Variants in DNMT3A observed in about 807,000 individuals in gnomAD.
DNMT3A encodes DNA methyltransferase 3 alpha.
A neutral mutation model predicts 117.6 loss-of-function variants in DNMT3A; 267 were observed. That is an observed-to-expected ratio of 2.27 (90% CI 2.05 to 2.51). The LOEUF is 2.51. Ranked by LOEUF, DNMT3A falls within the 30% of genes most tolerant of loss-of-function variation. The probability of loss-of-function intolerance (pLI) is 0.00; values close to 1 mark genes in which losing one functional copy is unlikely to be tolerated. For missense variants in DNMT3A, 1,029 were observed against 1,260.2 expected (o/e 0.82, Z 2.78); for synonymous variants, 432 against 474.8 (o/e 0.91, Z 1.17).
In DNMT3A at chr2:25,230,087, T is replaced by G. The variant is rs1672808831; in HGVS notation, c.*4192A>C. On this transcript the variant is annotated 3_prime_UTR_variant, in exon 23 of 23. Transcript: ENST00000321117. ...CCAGTCAATCACACCCAGGCCTGTT[T>G]CAAAAGCTAACAGGTCCCGGGTGCT... 6.6e-6 allele frequency: 1 copy of G among 152,220 alleles called. No individual in the cohort carries two copies. Among genetic ancestry groups the G allele is most frequent in the South Asian group, 2.1e-4 (1 of 4,836 alleles). 9.4% of individuals were successfully genotyped at this position (152,220 alleles called of 1,614,324 possible).
chr2:25,300,772 T>TATATATAA (rs1558723169), intron 2 of DNMT3A, among the ~76,000 whole-genome samples: 1 of 70,342 alleles, frequency 1.4e-5, no homozygotes, highest in African/African-American at 5.6e-5. Context: ...TATATATAAA[T>TATATATAA]AATACATCCT....
rs759408234 is a variant in DNMT3A at position 25,241,660 on chromosome 2, C to T, written c.1984G>A (p.Ala662Thr). ...ATGGAGTCCTCACACACCTCCGAGG[C>T]AATGTAGCGGTCCACCTGAATGCCC... ...DLGIQVDRYI[A>T]SEVCEDSITV... Residue 662 changes from alanine to threonine, a missense_variant, in exon 17 of 23, where the codon GCC becomes ACC. Ala to Thr is a moderately conservative substitution (Grantham distance 58). Transcript: ENST00000321117. 1.2e-6 allele frequency: 2 copies of T among 1,614,156 alleles called. No individual in the cohort carries two copies. The highest frequency in any genetic ancestry group is 1.7e-6 in the Non-Finnish European group (2 of 1,180,012).
chr2:25,244,494 C>T lies in DNMT3A; in HGVS notation c.1667+46G>A, dbSNP rs756076590. 1.7e-5 allele frequency: 28 copies of T among 1,606,350 alleles called. No homozygotes were observed. The Admixed American group carries it at 4.7e-4, about 27-fold the overall frequency. On this transcript the variant is annotated intron_variant, in intron 14 of 22. Coordinates refer to ENST00000321117, the MANE Select transcript of DNMT3A (RefSeq NM_022552.5). Reference sequence around the variant, plus strand: ...GAGGGGAGGCGGTGGGCGGCGGGAGCCTGGGGCCCAGCTAAGGAGACCACT... The same window carrying T: ...GAGGGGAGGCGGTGGGCGGCGGGAGTCTGGGGCCCAGCTAAGGAGACCACT...
At position 25,241,694 on chromosome 2, in the gene DNMT3A, C is replaced by CA; in HGVS notation, c.1949dup (p.Lys651GlufsTer17). The CA allele has an allele frequency of 6.2e-7, 1 of 1,613,932 alleles. No individual in the cohort carries two copies. The highest frequency in any genetic ancestry group is 8.5e-7 in the Non-Finnish European group (1 of 1,179,936). ...GGTCCACCTGAATGCCCAAGTCCTT[C>CA]AGCACCAGGAGCCCTGCACCAGCCA... On this transcript the variant is annotated frameshift_variant, in exon 17 of 23. Transcript: ENST00000321117. LOFTEE classifies it high-confidence loss of function.
intron 6 of DNMT3A, among the ~76,000 whole-genome samples, chr2:25,253,993 A>G (rs898509499): frequency 6.6e-6 from 1 of 151,806 alleles, no homozygotes; most frequent in African/African-American, 2.4e-5. Flanking sequence ...AATCGCTTCA[A>G]CTTAGGAGGC....
rs1165028097 is a variant in DNMT3A at position 25,294,790 on chromosome 2, C to A, written c.177+5349G>T. On this transcript the variant is annotated intron_variant, in intron 3 of 22. Coordinates refer to ENST00000321117, the MANE Select transcript of DNMT3A (RefSeq NM_022552.5). This position sits in a 1 kb window ranked among gnomAD's most constrained non-coding sequence, Gnocchi z 4.7. Reference sequence around the variant, plus strand: ...ATCTGCTCTGAAGTGGGGCAGTTTGCCCTCTTGGACTGGCTCACTCCTGCG... The same window carrying A: ...ATCTGCTCTGAAGTGGGGCAGTTTGACCTCTTGGACTGGCTCACTCCTGCG... Among the ~76,000 whole-genome samples the A allele has an allele frequency of 1.3e-5, 2 of 152,162 alleles. No homozygotes were observed. Among genetic ancestry groups the A allele is most frequent in the Non-Finnish European group, 2.9e-5 (2 of 68,026 alleles).
intron 1 of DNMT3A, among the ~76,000 whole-genome samples, chr2:25,321,172 TAA>T (rs879295575): frequency 1.4e-5 from 2 of 141,866 alleles, no homozygotes. Context: ...AAGTCAGTAG[TAA>T]AAAAAAAAAA....
chr2:25,317,050 A>G (rs956504064), intron 1 of DNMT3A, among the ~76,000 whole-genome samples: 2 of 152,184 alleles, frequency 1.3e-5, no homozygotes, highest in Non-Finnish European at 2.9e-5. Context: ...TCAATGCAAT[A>G]GAAACATTTT....
At position 25,252,004 on chromosome 2, in the gene DNMT3A, G is replaced by C. The variant is rs891692222; in HGVS notation, c.640-3752C>G. On this transcript the variant is annotated intron_variant, in intron 6 of 22. Transcript: ENST00000321117. The surrounding 1 kb of genome is among the most constrained non-coding windows in gnomAD (Gnocchi z 5.5). Reference sequence around the variant, plus strand: ...CGAGGAGTGGGGCCTTGGGGCTCGTGGGCAGGAAGGCGGCGGGCCAGCACT... The same window carrying C: ...CGAGGAGTGGGGCCTTGGGGCTCGTCGGCAGGAAGGCGGCGGGCCAGCACT... 6.0e-6 allele frequency: 4 copies of C among 665,850 alleles called. No individual in the cohort carries two copies. Among genetic ancestry groups the C allele is most frequent in the Non-Finnish European group, 9.5e-6 (4 of 423,100 alleles). 41.2% of individuals were successfully genotyped at this position (665,850 alleles called of 1,614,324 possible). A position where few individuals can be genotyped will look rare whatever the true frequency, so the allele number is the denominator to read the frequency against.
chr2:25,338,498 C>T (rs1416407791), intron 1 of DNMT3A, among the ~76,000 whole-genome samples: 1 of 152,098 alleles, frequency 6.6e-6, no homozygotes, highest in Non-Finnish European at 1.5e-5. Flanking sequence ...AGGCAGTGGC[C>T]GCTGGGCAGC....
In DNMT3A at chr2:25,300,753, A is replaced by G. The variant is rs191996757; in HGVS notation, c.73-510T>C. The stretch of plus-strand genomic sequence containing the variant: ...TATATATATATATATATATATATAT[A>G]TATATATATATATATAAATAATACA... On this transcript the variant is annotated intron_variant, in intron 2 of 22. Transcript: ENST00000321117. Among the ~76,000 whole-genome samples the G allele has an allele frequency of 4.5e-3, 280 of 62,368 alleles. 10 individuals carry two copies. Among genetic ancestry groups the G allele is most frequent in the African/African-American group, 0.018 (256 of 13,846 alleles). The allele number at this position is 62,368 out of a possible 152,430, so 40.9% of individuals were successfully genotyped here.
Position 25,246,318 on chromosome 2 carries a change from G to A in DNMT3A, c.1280-9C>T. 5.0e-6 allele frequency: 8 copies of A among 1,592,384 alleles called. No individual in the cohort carries two copies. Among genetic ancestry groups the A allele is most frequent in the Non-Finnish European group, 6.8e-6 (8 of 1,167,884 alleles). ...GTAGGGATTCTTCTCTTCTGGAGGA[G>A]GAAAGCAGGTGCCAAGGTCAGTTAC... On this transcript the variant is annotated splice_polypyrimidine_tract_variant and intron_variant, in intron 10 of 22. Transcript: ENST00000321117.
intron 1 of DNMT3A, among the ~76,000 whole-genome samples, chr2:25,336,407 C>T (rs1382689142): frequency 6.6e-6 from 1 of 152,114 alleles, no homozygotes; most frequent in Non-Finnish European, 1.5e-5. Flanking sequence ...AAAAGGGACC[C>T]TTCTCCACCT....
At position 25,233,980 on chromosome 2, in the gene DNMT3A, A is replaced by G. The variant is rs1303972387; in HGVS notation, c.*299T>C. On this transcript the variant is annotated 3_prime_UTR_variant, in exon 23 of 23. Transcript: ENST00000321117. ...AACAGAAAACCCCTCTGAAAAGAGTAGAAAATAAAAGGTCTGACCGAAAAA... is the reference window on the plus strand; with the variant it reads ...AACAGAAAACCCCTCTGAAAAGAGTGGAAAATAAAAGGTCTGACCGAAAAA... 3.6e-6 allele frequency: 1 copy of G among 280,428 alleles called. No homozygotes were observed. The highest frequency in any genetic ancestry group is 5.3e-5 in the East Asian group (1 of 18,798). The allele number at this position is 280,428 out of a possible 1,614,324, so 17.4% of individuals were successfully genotyped here. A position where few individuals can be genotyped will look rare whatever the true frequency, so the allele number is the denominator to read the frequency against.
chr2:25,334,524 G>T (rs1210894313), intron 1 of DNMT3A, among the ~76,000 whole-genome samples: 1 of 152,210 alleles, frequency 6.6e-6, no homozygotes, highest in Non-Finnish European at 1.5e-5. Flanking sequence ...AGTTCCCCAG[G>T]AACCATTTGG....
intron 6 of DNMT3A, among the ~76,000 whole-genome samples, chr2:25,267,495 A>T (rs540647378): frequency 6.6e-6 from 1 of 152,268 alleles, no homozygotes; most frequent in East Asian, 1.9e-4. Flanking sequence ...GGATCACCTG[A>T]GCCAAGAAGT....
Position 25,327,957 on chromosome 2 carries a change from C to T in DNMT3A, c.-177-13796G>A, listed in dbSNP as rs1011116273. Among the ~76,000 whole-genome samples the T allele has an allele frequency of 6.6e-6, 1 of 152,172 alleles. No homozygotes were observed. The highest frequency in any genetic ancestry group is 2.4e-5 in the African/African-American group (1 of 41,434). ...GGCTTCTCTCGTCCCCCTATTCCCT[C>T]CAGGCCCTTTGTACCTCTTGTGTCT... On this transcript the variant is annotated intron_variant, in intron 1 of 22. Transcript: ENST00000321117. The surrounding 1 kb of genome is among the most constrained non-coding windows in gnomAD (Gnocchi z 4.1).
At position 25,246,657 on chromosome 2, in the gene DNMT3A, G is replaced by A. The variant is rs762101783; in HGVS notation, c.1242C>T (p.Phe414=). Residue 414 remains phenylalanine (F), a synonymous_variant, in exon 10 of 23, where the codon TTC becomes TTT. Transcript: ENST00000321117. ...KPMIEWALGG[F]QPSGPKGLEP... ...CCAGGCCCTTAGGGCCAGAAGGCTG[G>A]AAGCCCCCCAGGGCCCATTCAATCA... 1.4e-5 allele frequency: 22 copies of A among 1,613,414 alleles called. No homozygotes were observed. Among genetic ancestry groups the A allele is most frequent in the East Asian group, 2.2e-5 (1 of 44,880 alleles).
In DNMT3A at chr2:25,247,474, G is replaced by T; in HGVS notation, c.1014+117C>A. 6.9e-7 allele frequency: 1 copy of T among 1,452,660 alleles called. No individual in the cohort carries two copies. The highest frequency in any genetic ancestry group is 2.3e-5 in the East Asian group (1 of 43,576). The allele number at this position is 1,452,660 out of a possible 1,614,324, so 90.0% of individuals were successfully genotyped here. A position where few individuals can be genotyped will look rare whatever the true frequency, so the allele number is the denominator to read the frequency against. ...CTTCCACCCACCACAGGCAGAGTAG[G>T]GGTGAGCAGAACCCACTTCCATCAC... On this transcript the variant is annotated intron_variant, in intron 8 of 22. Coordinates refer to ENST00000321117, the MANE Select transcript of DNMT3A (RefSeq NM_022552.5). This position sits in a 1 kb window ranked among gnomAD's most constrained non-coding sequence, Gnocchi z 5.6.
Sources: gnomAD v4.1 joint callset for allele counts (sites outside exome capture counted in the v4.1 genomes callset) on GRCh38, gnomAD v4.1.1 for gene constraint, Gnocchi (gnomAD v3.1) non-coding constraint, MANE v1.5 for transcripts, NCBI Gene and HGNC (gene_info 2026-07-23, HGNC 2026-07-21) for gene names.